CADPS: variants seen among roughly 807,000 people sequenced by gnomAD.
CADPS encodes calcium dependent secretion activator.
In CADPS, 57 loss-of-function variants were observed where a neutral mutation model predicts 167.3. The ratio of observed to expected loss-of-function variants is 0.34; its 90% CI spans 0.28 to 0.42. The LOEUF (loss-of-function observed/expected upper bound fraction) is 0.42. Among genes scored for constraint, CADPS ranks in the 20% least tolerant of loss-of-function variants. The pLI, the probability that CADPS is intolerant of heterozygous loss-of-function variation, is 1.00. For missense variants in CADPS, 1,414 were observed against 1,738.1 expected (o/e 0.81, Z 3.32); for synonymous variants, 676 against 635.3 (o/e 1.06, Z -0.96).
At chr3:62,557,949 C>A (rs1308374929) in intron 9 of CADPS, among the ~76,000 whole-genome samples, 2 of 152,242 alleles carry the variant, frequency 1.3e-5, no homozygotes, top group Admixed American at 1.3e-4. Flanking sequence ...TTGGCTGAGA[C>A]TGCCATGCTC....
chr3:62,516,301 C>G (rs13083309), intron 15 of CADPS, 119 bp from the exon 16 acceptor site: 1 of 1,314,694 alleles, frequency 7.6e-7, no homozygotes, highest in Non-Finnish European at 1.1e-6. Flanking sequence ...AGATTGAGAG[C>G]CATGCTTAAA....
At chr3:62,528,726 G>C (rs528889050) in intron 13 of CADPS, among the ~76,000 whole-genome samples, 1 of 152,314 alleles carries the variant, frequency 6.6e-6, no homozygotes, top group South Asian at 2.1e-4. Flanking sequence ...TATAAGTACA[G>C]TCCTGATGTA....
At position 62,518,238 on chromosome 3, in the gene CADPS, A is replaced by G. The variant is rs1206123912; in HGVS notation, c.2304T>C (p.Ile768=). ...SHVHGNRPDG[I]GTVTVEEKER... is the part of the protein sequence containing the mutation. ...CCTTTTCTTCAACAGTCACAGTTCCAATTCCATCAGGCCTGAAAGAAGACA... is the reference window on the plus strand; with the variant it reads ...CCTTTTCTTCAACAGTCACAGTTCCGATTCCATCAGGCCTGAAAGAAGACA... Residue 768 remains isoleucine (I), a synonymous_variant, in exon 14 of 30, where the codon ATT becomes ATC. Transcript: ENST00000383710. 6.2e-7 allele frequency: 1 copy of G among 1,611,860 alleles called. No homozygotes were observed. The highest frequency in any genetic ancestry group is 1.7e-4 in the Middle Eastern group (1 of 6,054).
Position 62,491,341 on chromosome 3 carries a change from G to C in CADPS, c.3024C>G (p.Val1008=), listed in dbSNP as rs753755569. 21 of 1,613,518 alleles carry C rather than the reference G, an allele frequency of 1.3e-5. No homozygotes were observed. In the South Asian group the frequency reaches 1.6e-4, roughly 13 times the overall value. Residue 1008 remains valine (V), a splice_region_variant and synonymous_variant, in exon 21 of 30, where the codon GTC becomes GTG. Transcript: ENST00000383710. ...RGFERESWEP[V]KSLTSNLPNV... is the part of the protein sequence containing the mutation. Reference sequence around the variant, plus strand: ...GGTATCAAAAAAGGTTTCCTTACTTGACTGGTTCCCATGACTCCCGCTCAA... The same window carrying C: ...GGTATCAAAAAAGGTTTCCTTACTTCACTGGTTCCCATGACTCCCGCTCAA...
intron 3 of CADPS, among the ~76,000 whole-genome samples, chr3:62,709,833 A>T (rs1017173347): frequency 6.6e-6 from 1 of 151,856 alleles, no homozygotes; most frequent in Non-Finnish European, 1.5e-5. Context: ...GCAGTGGTGT[A>T]ATCTCGGCTC....
At chr3:62,749,436 G>A (rs921591155) in intron 3 of CADPS, among the ~76,000 whole-genome samples, 17 of 152,312 alleles carry the variant, frequency 1.1e-4, no homozygotes, top group African/African-American at 4.1e-4. Context: ...TACGATATGC[G>A]TAAGAGGAAA....
chr3:62,821,173 G>A (rs1441671006), intron 1 of CADPS, among the ~76,000 whole-genome samples: 1 of 152,070 alleles, frequency 6.6e-6, no homozygotes, highest in Non-Finnish European at 1.5e-5. Flanking sequence ...TTTCATACTA[G>A]TCTGTATTTG....
At chr3:62,516,925 G>A (rs1182770109) in intron 14 of CADPS, among the ~76,000 whole-genome samples, 1 of 152,052 alleles carries the variant, frequency 6.6e-6, no homozygotes, top group Non-Finnish European at 1.5e-5. Context: ...TATTGTGAAG[G>A]AGAACTATTT....
intron 11 of CADPS, among the ~76,000 whole-genome samples, chr3:62,547,407 T>C (rs2076623006): frequency 6.6e-6 from 1 of 152,140 alleles, no homozygotes; most frequent in African/African-American, 2.4e-5. Flanking sequence ...ACCTGGTAGA[T>C]GTAGCAGGGC....
intron 4 of CADPS, among the ~76,000 whole-genome samples, chr3:62,657,682 CTCTG>C (rs2150365889): frequency 6.6e-6 from 1 of 152,160 alleles, no homozygotes; most frequent in East Asian, 1.9e-4. Flanking sequence ...GTGAGACCAT[CTCTG>C]TCTGATGTTC....
At chr3:62,516,764 G>A (rs1481995786) in intron 14 of CADPS, 121 bp from the exon 15 acceptor site, 9 of 666,840 alleles carry the variant, frequency 1.3e-5, no homozygotes, top group South Asian at 7.8e-5. Context: ...ATTTTGTCAC[G>A]TTGTGTTATG....
intron 6 of CADPS, among the ~76,000 whole-genome samples, chr3:62,595,220 T>C (rs779948699): frequency 1.3e-5 from 2 of 151,940 alleles, no homozygotes; most frequent in Admixed American, 6.6e-5. Flanking sequence ...ACAACAGTCA[T>C]AGTAGAGACA....
chr3:62,657,742 T>A (rs2072051460), intron 4 of CADPS, among the ~76,000 whole-genome samples: 3 of 152,148 alleles, frequency 2.0e-5, no homozygotes, highest in Admixed American at 6.6e-5. Flanking sequence ...GCTGGTGCGA[T>A]TGAACTGACA....
intron 6 of CADPS, among the ~76,000 whole-genome samples, chr3:62,607,512 C>A (rs183269931): frequency 9.8e-5 from 15 of 152,348 alleles, no homozygotes; most frequent in Non-Finnish European, 1.8e-4. Context: ...ACCTCAGTAG[C>A]ACTTGAGTGT....
At chr3:62,437,246 C>T (rs1440982692) in intron 28 of CADPS, among the ~76,000 whole-genome samples, 1 of 151,778 alleles carries the variant, frequency 6.6e-6, no homozygotes, top group Non-Finnish European at 1.5e-5. Context: ...CTGGCAAATT[C>T]GGTGGAAACC....
chr3:62,857,675 T>C (rs2079971666), intron 1 of CADPS, among the ~76,000 whole-genome samples: 1 of 152,042 alleles, frequency 6.6e-6, no homozygotes, highest in Non-Finnish European at 1.5e-5. Context: ...TTAACCTCTA[T>C]ATATCCATGC....
At chr3:62,846,192 G>A (rs2077404896) in intron 1 of CADPS, among the ~76,000 whole-genome samples, 1 of 152,012 alleles carries the variant, frequency 6.6e-6, no homozygotes, top group Non-Finnish European at 1.5e-5. Context: ...GGAACTGTGA[G>A]TCACTTCAGC....
chr3:62,499,344 A>G (rs1262103596), intron 17 of CADPS, 76 bp from the exon 18 acceptor site: 1 of 846,512 alleles, frequency 1.2e-6, no homozygotes, highest in Non-Finnish European at 2.0e-6. Context: ...CTAGTGGATA[A>G]GAAATTGAGA....
intron 6 of CADPS, among the ~76,000 whole-genome samples, chr3:62,629,194 T>G (rs1163629829): frequency 1.3e-5 from 2 of 152,188 alleles, no homozygotes; most frequent in African/African-American, 4.8e-5. Context: ...TTTTGTAAAT[T>G]TATAGCATTG....
Sources: allele counts gnomAD v4.1 joint callset (sites outside exome capture counted in the v4.1 genomes callset), GRCh38; gene constraint gnomAD v4.1.1; transcripts MANE v1.5; gene names NCBI Gene and HGNC (gene_info 2026-07-23, HGNC 2026-07-21).